Variants in SPATS2L observed in about 807,000 individuals in gnomAD.
SPATS2L encodes the protein SPATS2-like protein.
Under a neutral mutation model 59.6 loss-of-function variants are expected in SPATS2L, and 30 were observed. That is an observed-to-expected ratio of 0.50 (90% CI 0.38 to 0.68). The LOEUF is 0.68. SPATS2L is among the 30% of genes least tolerant of loss of function. The probability of loss-of-function intolerance (pLI) is 0.00; values close to 1 mark genes in which losing one functional copy is unlikely to be tolerated. For missense variants in SPATS2L, 615 were observed against 700.0 expected (o/e 0.88, Z 1.37); for synonymous variants, 252 against 263.5 (o/e 0.96, Z 0.42).
At chr2:200,372,876 T>G (rs1337254979) in intron 2 of SPATS2L, among the ~76,000 whole-genome samples, 14 of 151,744 alleles carry the variant, frequency 9.2e-5, no homozygotes, top group Admixed American at 8.5e-4. Flanking sequence ...AATCATCCAG[T>G]GTGGTGCCTA....
intron 8 of SPATS2L, among the ~76,000 whole-genome samples, chr2:200,451,872 G>A (rs1471299954): frequency 6.6e-6 from 1 of 150,906 alleles, no homozygotes; most frequent in African/African-American, 2.4e-5. Context: ...TGATCAGAGT[G>A]ATTGGCTCTA....
At chr2:200,403,077 G>A (rs1044484604) in intron 3 of SPATS2L, among the ~76,000 whole-genome samples, 13 of 152,154 alleles carry the variant, frequency 8.5e-5, no homozygotes, top group East Asian at 7.7e-4. Context: ...CAAACTCAAC[G>A]GAAGGAGAGT....
intron 8 of SPATS2L, among the ~76,000 whole-genome samples, chr2:200,458,846 C>T (rs757899844): frequency 1.4e-4 from 21 of 151,956 alleles, no homozygotes; most frequent in Non-Finnish European, 2.2e-4. Flanking sequence ...TTATTGTGGT[C>T]CCCAGAAGTC....
intron 6 of SPATS2L, among the ~76,000 whole-genome samples, chr2:200,428,588 C>T (rs2083724262): frequency 6.6e-6 from 1 of 152,206 alleles, no homozygotes. Context: ...GACTCACAAA[C>T]TCATCTTCCT....
chr2:200,407,441 C>A (rs990529625), intron 3 of SPATS2L, among the ~76,000 whole-genome samples: 1 of 152,168 alleles, frequency 6.6e-6, no homozygotes, highest in Non-Finnish European at 1.5e-5. Context: ...ACACTTACTA[C>A]CTACTTTTAT....
chr2:200,407,091 G>A (rs2082712667), intron 3 of SPATS2L, among the ~76,000 whole-genome samples: 1 of 151,804 alleles, frequency 6.6e-6, no homozygotes, highest in Admixed American at 6.6e-5. Context: ...ACCCCTTAAT[G>A]CAAATGCTCC....
intron 2 of SPATS2L, among the ~76,000 whole-genome samples, chr2:200,388,046 T>G (rs2082046664): frequency 6.6e-6 from 1 of 152,100 alleles, no homozygotes; most frequent in Non-Finnish European, 1.5e-5. Flanking sequence ...AACAGAAGGA[T>G]TATGGGCAGT....
Position 200,419,485 on chromosome 2 carries a change from G to A in SPATS2L, c.434G>A (p.Arg145His), listed in dbSNP as rs762723752. 25 of 1,613,752 alleles carry A rather than the reference G, an allele frequency of 1.5e-5. No individual in the cohort carries two copies. Among genetic ancestry groups the A allele is most frequent in the East Asian group, 6.7e-5 (3 of 44,850 alleles). ...SILEEPSKAL[R>H]GVTEGNRLLQ... ...CTTGAGGAACCTTCAAAGGCACTTC[G>A]TGGGGTCACAGGTCAGTAATGCTTA... The change falls in exon 6 of 13, where the codon CGT becomes CAT. Residue 145 changes from arginine (R) to histidine (H), a missense_variant. This residue lies in a region of SPATS2L where 227 missense variants were observed against 257.4 expected (regional missense o/e 0.88). Coordinates refer to ENST00000409140, the MANE Select transcript of SPATS2L (RefSeq NM_001100423.2).
intron 8 of SPATS2L, among the ~76,000 whole-genome samples, chr2:200,446,888 C>G (rs932728769): frequency 6.6e-6 from 1 of 152,196 alleles, no homozygotes; most frequent in African/African-American, 2.4e-5. Flanking sequence ...TAAACCCTCT[C>G]ACTACACATT....
intron 2 of SPATS2L, among the ~76,000 whole-genome samples, chr2:200,338,603 C>T (rs1162605173): frequency 2.0e-5 from 3 of 152,212 alleles, no homozygotes; most frequent in Admixed American, 6.5e-5. Context: ...GCTTAATTTA[C>T]TCCAATAGTT....
intron 8 of SPATS2L, among the ~76,000 whole-genome samples, chr2:200,449,429 A>C (rs1194826802): frequency 6.6e-6 from 1 of 152,232 alleles, no homozygotes; most frequent in African/African-American, 2.4e-5. Context: ...CTCCGCTGGC[A>C]CTGCAGCCTT....
At chr2:200,335,385 A>C (rs567808945) in intron 2 of SPATS2L, among the ~76,000 whole-genome samples, 16 of 94,808 alleles carry the variant, frequency 1.7e-4, no homozygotes, top group African/African-American at 4.2e-4. Context: ...TCTCAAAAAA[A>C]AAAGAAAGAA....
chr2:200,450,968 C>G (rs2085397026), intron 8 of SPATS2L, among the ~76,000 whole-genome samples: 1 of 152,114 alleles, frequency 6.6e-6, no homozygotes, highest in Non-Finnish European at 1.5e-5. Context: ...GCAGAAGAAG[C>G]AACACAAAGA....
chr2:200,355,628 T>G (rs2080889648), intron 2 of SPATS2L, among the ~76,000 whole-genome samples: 1 of 152,354 alleles, frequency 6.6e-6, no homozygotes, highest in African/African-American at 2.4e-5. Flanking sequence ...ACATTTGAGT[T>G]GCGGAAAGCA....
Position 200,459,806 on chromosome 2 carries a change from G to A in SPATS2L, c.826G>A (p.Asp276Asn). 6.2e-7 allele frequency: 1 copy of A among 1,612,608 alleles called. No individual in the cohort carries two copies. Among genetic ancestry groups the A allele is most frequent in the Non-Finnish European group, 8.5e-7 (1 of 1,179,224 alleles). ...DKEVSLMAEM[D>N]KVKEEAMEIL... ...AGAAGTTTCATTAATGGCAGAAATG[G>A]ATAAAGTTAAAGAAGAAGCCAGTAA... Residue 276 changes from aspartate to asparagine, a missense_variant, in exon 9 of 13, where the codon GAT becomes AAT. This residue lies in a region of SPATS2L where 104 missense variants were observed against 162.5 expected (regional missense o/e 0.64). Coordinates refer to ENST00000409140, the MANE Select transcript of SPATS2L (RefSeq NM_001100423.2).
At chr2:200,336,774 C>T (rs996006818) in intron 2 of SPATS2L, among the ~76,000 whole-genome samples, 2 of 152,270 alleles carry the variant, frequency 1.3e-5, no homozygotes, top group African/African-American at 2.4e-5. Context: ...ACAATTCAAA[C>T]GATTCTTTCA....
At chr2:200,396,028 A>T (rs1359426358) in intron 3 of SPATS2L, among the ~76,000 whole-genome samples, 3 of 45,234 alleles carry the variant, frequency 6.6e-5, no homozygotes, top group African/African-American at 1.8e-4. Context: ...AAAAAAAAAA[A>T]AAAAAATATA....
At chr2:200,471,452 T>C (rs1349716232) in intron 11 of SPATS2L, among the ~76,000 whole-genome samples, 1 of 151,514 alleles carries the variant, frequency 6.6e-6, no homozygotes, top group Non-Finnish European at 1.5e-5. Context: ...GAGGTGCCCC[T>C]TCACCTCCTT....
Position 200,419,710 on chromosome 2 carries a change from ATT to A in SPATS2L, c.445+232_445+233del, listed in dbSNP as rs3033399. 3.1e-3 allele frequency among the ~76,000 whole-genome samples: 402 copies of A among 131,616 alleles called. 2 individuals carry two copies. Among genetic ancestry groups the A allele is most frequent in the African/African-American group, 0.01 (370 of 35,294 alleles). The allele number at this position is 131,616 out of a possible 152,430, so 86.3% of individuals were successfully genotyped here. ...ATCTAGCTCTACACCAAGTCAGAGG[ATT>A]TTTTTTTTTTTTTTTTTGAGTCTGG... On this transcript the variant is annotated intron_variant, in intron 6 of 12. Transcript: ENST00000409140.
Sources: gnomAD v4.1 joint callset for allele counts (sites outside exome capture counted in the v4.1 genomes callset) on GRCh38, gnomAD v4.1.1 for gene constraint, gnomAD v4.1.1 regional missense constraint, MANE v1.5 for transcripts, NCBI Gene and HGNC (gene_info 2026-07-23, HGNC 2026-07-21) for gene names.